SLC36A1: variants seen among roughly 807,000 people sequenced by gnomAD.
SLC36A1 encodes solute carrier family 36 member 1.
A neutral mutation model predicts 47.5 loss-of-function variants in SLC36A1; 30 were observed. The ratio of observed to expected loss-of-function variants is 0.63; its 90% CI spans 0.47 to 0.86. The LOEUF (loss-of-function observed/expected upper bound fraction) is 0.86, where lower values mean the gene tolerates loss of function less well. Ranked by LOEUF, SLC36A1 falls within the 40% of genes least tolerant of loss-of-function variation. The pLI, the probability that SLC36A1 is intolerant of heterozygous loss-of-function variation, is 0.00. For synonymous variants in SLC36A1, 255 were observed against 249.7 expected, an observed-to-expected ratio of 1.02 and a Z score of -0.20; for missense variants, 517 against 606.0, an observed-to-expected ratio of 0.85 and a Z score of 1.54.
Position 151,476,758 on chromosome 5 carries a change from T to C in SLC36A1, c.989+2T>C, listed in dbSNP as rs1444226580. On this transcript the variant is annotated splice_donor_variant, in intron 9 of 10. Coordinates refer to ENST00000243389, the MANE Select transcript of SLC36A1 (RefSeq NM_078483.4). LOFTEE classifies it high-confidence loss of function. ...AACCCTCAACCTGCCCAACTGCTGG[T>C]ACGTGGAGGGAGGATGGAAACCTAG... 6.2e-7 allele frequency: 1 copy of C among 1,610,724 alleles called. No individual in the cohort carries two copies. Among genetic ancestry groups the C allele is most frequent in the Non-Finnish European group, 8.5e-7 (1 of 1,178,076 alleles).
the SLC36A1 span, among the ~76,000 whole-genome samples, chr5:151,524,984 G>T: frequency 6.6e-6 from 1 of 152,074 alleles, no homozygotes; most frequent in African/African-American, 2.4e-5. Flanking sequence ...TCTGTTTATT[G>T]TTTATCTCCA....
At chr5:151,517,331 T>C in the SLC36A1 span, among the ~76,000 whole-genome samples, 2 of 152,172 alleles carry the variant, frequency 1.3e-5, no homozygotes, top group Non-Finnish European at 2.9e-5. Flanking sequence ...TCAGCAAAAA[T>C]GATAACGGCA....
chr5:151,368,123 G>A, the SLC36A1 span, among the ~76,000 whole-genome samples: 1 of 152,182 alleles, frequency 6.6e-6, no homozygotes, highest in Non-Finnish European at 1.5e-5. Flanking sequence ...CAGCTACACT[G>A]AACTGGATTG....
chr5:151,466,159 T>C (rs866304490), intron 5 of SLC36A1, among the ~76,000 whole-genome samples: 2 of 152,318 alleles, frequency 1.3e-5, no homozygotes, highest in Middle Eastern at 3.4e-3. Flanking sequence ...TTCCATTCTT[T>C]CTTACTACTT....
chr5:151,534,062 A>G, the SLC36A1 span, among the ~76,000 whole-genome samples: 4 of 152,210 alleles, frequency 2.6e-5, no homozygotes, highest in South Asian at 2.1e-4. Context: ...AGGCAAATCA[A>G]TCAGAATTGA....
the SLC36A1 span, among the ~76,000 whole-genome samples, chr5:151,385,554 T>A: frequency 6.6e-6 from 1 of 152,304 alleles, no homozygotes; most frequent in South Asian, 2.1e-4. Context: ...GTAGTAATAG[T>A]GGCCAGGATG....
the SLC36A1 span, chr5:151,528,034 C>A: frequency 4.3e-6 from 7 of 1,614,090 alleles, no homozygotes; most frequent in Non-Finnish European, 3.4e-6. Flanking sequence ...TGTAGCTCCC[C>A]CTTTTTGGGG....
downstream of SLC36A1, among the ~76,000 whole-genome samples, chr5:151,496,241 C>T (rs1014475187): frequency 2.0e-5 from 3 of 152,160 alleles, no homozygotes; most frequent in African/African-American, 4.8e-5. Context: ...GTTTGCCTAC[C>T]GCCATCCGCT....
chr5:151,360,827 C>T, the SLC36A1 span, among the ~76,000 whole-genome samples: 3 of 152,246 alleles, frequency 2.0e-5, no homozygotes, highest in South Asian at 2.1e-4. Context: ...CAGCTGACAC[C>T]GGTTGAGAAG....
At position 151,488,113 on chromosome 5, in the gene SLC36A1, C is replaced by A; in HGVS notation, c.1290C>A (p.Ser430Arg). ...CCACCTTCTACTCAGAGGGCATGAG[C>A]CCCCTCACCATCTTTAAGGACGCCC... Reference protein sequence around the residue: ...EVTTFYSEGMSPLTIFKDALI... With the variant: ...EVTTFYSEGMRPLTIFKDALI... Residue 430 changes from serine to arginine, a missense_variant, in exon 11 of 11, where the codon AGC becomes AGA. Ser to Arg is a moderately radical substitution (Grantham distance 110). Transcript: ENST00000243389. 1.2e-6 allele frequency: 2 copies of A among 1,614,196 alleles called. No homozygotes were observed. Among genetic ancestry groups the A allele is most frequent in the East Asian group, 2.2e-5 (1 of 44,876 alleles).
At chr5:151,429,608 A>G in the SLC36A1 span, among the ~76,000 whole-genome samples, 1 of 151,856 alleles carries the variant, frequency 6.6e-6, no homozygotes, top group Admixed American at 6.6e-5. Context: ...ATTGTTACCT[A>G]TGATTTTAAA....
the SLC36A1 span, among the ~76,000 whole-genome samples, chr5:151,374,289 G>A: frequency 6.6e-6 from 1 of 152,170 alleles, no homozygotes; most frequent in Non-Finnish European, 1.5e-5. Flanking sequence ...CTCACTTGGG[G>A]CTGATGCCAT....
At chr5:151,464,192 C>G (rs927619510) in intron 3 of SLC36A1, among the ~76,000 whole-genome samples, 1 of 152,214 alleles carries the variant, frequency 6.6e-6, no homozygotes, top group Non-Finnish European at 1.5e-5. Context: ...CGTCTCACCT[C>G]ACATCCCTTA....
At chr5:151,446,412 C>A (rs1752922210), upstream of SLC36A1, among the ~76,000 whole-genome samples, 1 of 152,122 alleles carries the variant, frequency 6.6e-6, no homozygotes, top group African/African-American at 2.4e-5. Context: ...TGCCTGTAAT[C>A]CCAGCTACTT....
chr5:151,396,200 C>T, the SLC36A1 span, among the ~76,000 whole-genome samples: 1 of 151,974 alleles, frequency 6.6e-6, no homozygotes, highest in Admixed American at 6.6e-5. Context: ...GCAACCTCCA[C>T]CTCCCGGGTT....
the SLC36A1 span, among the ~76,000 whole-genome samples, chr5:151,546,920 A>T: frequency 2.0e-5 from 3 of 152,032 alleles, no homozygotes; most frequent in African/African-American, 7.2e-5. Context: ...TATATAGAAC[A>T]CCCATATCTC....
chr5:151,379,418 C>T, the SLC36A1 span, among the ~76,000 whole-genome samples: 4 of 152,246 alleles, frequency 2.6e-5, no homozygotes, highest in Non-Finnish European at 5.9e-5. Context: ...ACTGCAACCT[C>T]CGCCTCCCGG....
chr5:151,485,783 C>T (rs1484007851), intron 10 of SLC36A1, among the ~76,000 whole-genome samples: 2 of 152,238 alleles, frequency 1.3e-5, no homozygotes, highest in Non-Finnish European at 2.9e-5. Context: ...ACTAGACATT[C>T]TGCAGTAATG....
chr5:151,528,467 T>C, the SLC36A1 span, among the ~76,000 whole-genome samples: 1 of 152,176 alleles, frequency 6.6e-6, no homozygotes, highest in Non-Finnish European at 1.5e-5. Context: ...TGATCAGCCT[T>C]ATAAGAGCAC....
Sources: allele counts gnomAD v4.1 joint callset (sites outside exome capture counted in the v4.1 genomes callset), GRCh38; gene constraint gnomAD v4.1.1; transcripts MANE v1.5; gene names NCBI Gene and HGNC (gene_info 2026-07-23, HGNC 2026-07-21).